The following WT1 variants were observed in gnomAD, a reference collection of about 807,000 sequenced individuals.
WT1 encodes WT1 transcription factor.
Under a neutral mutation model 60.8 loss-of-function variants are expected in WT1, and 8 were observed. The observed-to-expected ratio is 0.13, with a 90% CI of 0.08 to 0.24. The LOEUF is 0.24. WT1 is among the 10% of genes least tolerant of loss of function. WT1 has a pLI of 1.00. For synonymous variants in WT1, 312 were observed against 297.1 expected, an observed-to-expected ratio of 1.05 and a Z score of -0.52; for missense variants, 568 against 711.8, an observed-to-expected ratio of 0.80 and a Z score of 2.30.
At chr11:32,424,658 G>T (rs371383716) in intron 3 of WT1, among the ~76,000 whole-genome samples, 2 of 152,168 alleles carry the variant, frequency 1.3e-5, no homozygotes, top group East Asian at 3.9e-4. Context: ...GTTGCTGATT[G>T]AATGTATTTT....
At chr11:32,408,702 T>C (rs1852403912) in intron 5 of WT1, among the ~76,000 whole-genome samples, 1 of 151,982 alleles carries the variant, frequency 6.6e-6, no homozygotes. Context: ...ATCCAGACTG[T>C]GGGATATTCT....
intron 3 of WT1, among the ~76,000 whole-genome samples, chr11:32,424,137 T>G (rs2133058389): frequency 1.6e-5 from 2 of 128,940 alleles, no homozygotes; most frequent in South Asian, 2.6e-4. Flanking sequence ...ACTCCAGCCT[T>G]GCAACAGAGC....
At chr11:32,395,128 C>T (rs982256388) in intron 7 of WT1, among the ~76,000 whole-genome samples, 2 of 152,228 alleles carry the variant, frequency 1.3e-5, no homozygotes. Context: ...TTCAATGGTC[C>T]AAGGAAATCT....
At chr11:32,391,740 C>T (rs1399208639) in intron 9 of WT1, among the ~76,000 whole-genome samples, 1 of 152,182 alleles carries the variant, frequency 6.6e-6, no homozygotes, top group Non-Finnish European at 1.5e-5. Context: ...TCATTCTGCA[C>T]ACTCCAGCCA....
At chr11:32,405,733 G>A (rs573541138) in intron 5 of WT1, among the ~76,000 whole-genome samples, 1 of 152,180 alleles carries the variant, frequency 6.6e-6, no homozygotes, top group East Asian at 1.9e-4. Context: ...ACAGTGCTTG[G>A]TATGCACTCA....
At chr11:32,413,709 T>G (rs1852574269) in intron 5 of WT1, among the ~76,000 whole-genome samples, 1 of 152,238 alleles carries the variant, frequency 6.6e-6, no homozygotes. Context: ...ATAAGAGTAT[T>G]GCTCAGTGAA....
chr11:32,431,323 C>T (rs1828455638), intron 1 of WT1, among the ~76,000 whole-genome samples: 1 of 152,150 alleles, frequency 6.6e-6, no homozygotes, highest in Non-Finnish European at 1.5e-5. Flanking sequence ...CCTCGGGCGT[C>T]GCAGGCCTCC....
At chr11:32,408,366 T>A (rs936840060) in intron 5 of WT1, among the ~76,000 whole-genome samples, 1 of 151,256 alleles carries the variant, frequency 6.6e-6, no homozygotes, top group African/African-American at 2.4e-5. Flanking sequence ...ATACAAAACA[T>A]TAGCCGGGTG....
chr11:32,401,772 T>G (rs1363394775), intron 5 of WT1, among the ~76,000 whole-genome samples: 1 of 152,174 alleles, frequency 6.6e-6, no homozygotes, highest in Non-Finnish European at 1.5e-5. Flanking sequence ...ACTCCTGGCC[T>G]TAAATGATCC....
chr11:32,391,229 C>T (rs1203099246), intron 9 of WT1, among the ~76,000 whole-genome samples: 1 of 147,040 alleles, frequency 6.8e-6, no homozygotes, highest in Admixed American at 6.7e-5. Context: ...AAGTGATCCA[C>T]CCACCTCATC....
intron 9 of WT1, among the ~76,000 whole-genome samples, chr11:32,391,041 G>C (rs1239256000): frequency 6.6e-6 from 1 of 151,978 alleles, no homozygotes; most frequent in Non-Finnish European, 1.5e-5. Context: ...TACAGTGGTG[G>C]GATCACAGCT....
Position 32,428,065 on chromosome 11 carries a change from A to C in WT1, c.785-7T>G, listed in dbSNP as rs758280375. The C allele has an allele frequency of 1.3e-6, 2 of 1,594,844 alleles. No homozygotes were observed. The highest frequency in any genetic ancestry group is 1.7e-4 in the Middle Eastern group (1 of 5,744). ...ACCGAGTACTGCTGCTCACCTGCAGAGAGAACCGAAGACAGCTGAGCGAGT... is the reference window on the plus strand; with the variant it reads ...ACCGAGTACTGCTGCTCACCTGCAGCGAGAACCGAAGACAGCTGAGCGAGT... On this transcript the variant is annotated splice_polypyrimidine_tract_variant and splice_region_variant and intron_variant, in intron 2 of 9. Coordinates refer to ENST00000452863, the MANE Select transcript of WT1 (RefSeq NM_024426.6).
At chr11:32,397,482 A>ATTTT (rs34861119) in intron 6 of WT1, among the ~76,000 whole-genome samples, 10 of 139,680 alleles carry the variant, frequency 7.2e-5, no homozygotes, top group East Asian at 4.2e-4. Flanking sequence ...TGCCCAGCTA[A>ATTTT]TTTTTTTTTT....
chr11:32,410,836 A>C (rs1373117019), intron 5 of WT1, among the ~76,000 whole-genome samples: 3 of 152,248 alleles, frequency 2.0e-5, no homozygotes, highest in African/African-American at 4.8e-5. Context: ...TAAAATATGC[A>C]GTAGCTCCTT....
intron 1 of WT1, among the ~76,000 whole-genome samples, chr11:32,432,456 C>T (rs750028418): frequency 6.6e-6 from 1 of 152,252 alleles, no homozygotes; most frequent in Non-Finnish European, 1.5e-5. Flanking sequence ...GCGCTTCTCA[C>T]ATCCAAGCTG....
At chr11:32,410,384 T>G (rs1852458212) in intron 5 of WT1, among the ~76,000 whole-genome samples, 1 of 152,230 alleles carries the variant, frequency 6.6e-6, no homozygotes, top group African/African-American at 2.4e-5. Context: ...CCCATTTTTT[T>G]GCTCCCTTTT....
intron 5 of WT1, among the ~76,000 whole-genome samples, chr11:32,410,832 A>G (rs1852474728): frequency 6.6e-6 from 1 of 152,252 alleles, no homozygotes; most frequent in East Asian, 1.9e-4. Context: ...CTACTAAAAT[A>G]TGCAGTAGCT....
intron 5 of WT1, among the ~76,000 whole-genome samples, chr11:32,415,686 A>T (rs1186557893): frequency 2.6e-5 from 4 of 152,196 alleles, no homozygotes; most frequent in African/African-American, 9.7e-5. Context: ...AGAATGCTAA[A>T]ACTGTCAGCA....
At chr11:32,414,649 G>T (rs1852607807) in intron 5 of WT1, among the ~76,000 whole-genome samples, 1 of 152,166 alleles carries the variant, frequency 6.6e-6, no homozygotes, top group South Asian at 2.1e-4. Flanking sequence ...AAGTGTGGCG[G>T]ATCGCCTGAG....
Sources: allele counts gnomAD v4.1 joint callset (sites outside exome capture counted in the v4.1 genomes callset), GRCh38; gene constraint gnomAD v4.1.1; transcripts MANE v1.5; gene names NCBI Gene and HGNC (gene_info 2026-07-23, HGNC 2026-07-21).